Variants in RABGAP1L observed in about 807,000 individuals in gnomAD.
The protein encoded by RABGAP1L is RAB GTPase activating protein 1 like, also known as rab GTPase-activating protein 1-like.
Under a neutral mutation model 137.7 loss-of-function variants are expected in RABGAP1L, and 63 were observed. The observed-to-expected ratio is 0.46, with a 90% confidence interval of 0.37 to 0.56. The LOEUF (loss-of-function observed/expected upper bound fraction) is 0.56. RABGAP1L is among the 20% of genes least tolerant of loss of function. The pLI is 0.00. For synonymous variants in RABGAP1L, 431 were observed against 433.7 expected, an observed-to-expected ratio of 0.99 and a Z score of 0.08; for missense variants, 1,095 against 1,244.0, an observed-to-expected ratio of 0.88 and a Z score of 1.80.
intron 18 of RABGAP1L, among the ~76,000 whole-genome samples, chr1:174,764,529 C>A (rs1399822978): frequency 1.3e-5 from 2 of 152,202 alleles, no homozygotes; most frequent in Non-Finnish European, 2.9e-5. Flanking sequence ...AGTGCAAGGT[C>A]TCCTCCTTAT....
intron 17 of RABGAP1L, among the ~76,000 whole-genome samples, chr1:174,738,871 C>T (rs935352680): frequency 6.6e-6 from 1 of 152,212 alleles, no homozygotes; most frequent in African/African-American, 2.4e-5. Flanking sequence ...ATTTTTGCAG[C>T]AACCGCTATA....
At chr1:174,651,165 T>C (rs1477283363) in intron 14 of RABGAP1L, among the ~76,000 whole-genome samples, 1 of 152,246 alleles carries the variant, frequency 6.6e-6, no homozygotes, top group East Asian at 1.9e-4. Context: ...TTCTTAATCC[T>C]GAGTTCTAGT....
chr1:174,391,031 G>A (rs1390460919), intron 12 of RABGAP1L, among the ~76,000 whole-genome samples: 1 of 152,194 alleles, frequency 6.6e-6, no homozygotes, highest in Non-Finnish European at 1.5e-5. Context: ...TGGAGTTTGT[G>A]AAGGTGGATA....
At chr1:174,535,737 A>G (rs1000590888) in intron 13 of RABGAP1L, among the ~76,000 whole-genome samples, 12 of 152,204 alleles carry the variant, frequency 7.9e-5, no homozygotes, top group Non-Finnish European at 1.6e-4. Context: ...AAAGGAAAAT[A>G]TATTAATTGT....
At chr1:174,820,479 G>A (rs1040515287) in intron 19 of RABGAP1L, among the ~76,000 whole-genome samples, 9 of 152,164 alleles carry the variant, frequency 5.9e-5, no homozygotes, top group African/African-American at 2.2e-4. Flanking sequence ...CCACAGGGTT[G>A]AGGAGATGAG....
chr1:174,370,466 T>C (rs932796226), intron 11 of RABGAP1L, among the ~76,000 whole-genome samples: 29 of 144,384 alleles, frequency 2.0e-4, no homozygotes, highest in Non-Finnish European at 4.0e-4. Context: ...AAAATACCTT[T>C]TTTTTTTTTT....
chr1:174,584,921 T>C (rs1669007617), intron 13 of RABGAP1L, among the ~76,000 whole-genome samples: 1 of 152,086 alleles, frequency 6.6e-6, no homozygotes, highest in South Asian at 2.1e-4. Context: ...TCCGTTAAAA[T>C]CTAGTCCTGC....
At chr1:174,850,404 G>A (rs1648100521) in intron 19 of RABGAP1L, among the ~76,000 whole-genome samples, 1 of 152,142 alleles carries the variant, frequency 6.6e-6, no homozygotes, top group Non-Finnish European at 1.5e-5. Context: ...ATTATTCCCA[G>A]GGAACAGAAC....
At chr1:174,556,374 A>C (rs1420293486) in intron 13 of RABGAP1L, among the ~76,000 whole-genome samples, 2 of 152,214 alleles carry the variant, frequency 1.3e-5, no homozygotes, top group Non-Finnish European at 2.9e-5. Flanking sequence ...GAAAAAGTAG[A>C]AAATAATAAC....
At chr1:174,669,861 A>G (rs1677052053) in intron 14 of RABGAP1L, among the ~76,000 whole-genome samples, 1 of 152,102 alleles carries the variant, frequency 6.6e-6, no homozygotes, top group South Asian at 2.1e-4. Context: ...TGCCAATCCC[A>G]TGCTGTTTGG....
chr1:174,953,181 C>T (rs1443856630), intron 19 of RABGAP1L, among the ~76,000 whole-genome samples: 1 of 152,122 alleles, frequency 6.6e-6, no homozygotes. Flanking sequence ...GCAAATTCTT[C>T]CGATAATTAT....
intron 19 of RABGAP1L, among the ~76,000 whole-genome samples, chr1:174,908,945 G>A (rs1183725999): frequency 5.3e-5 from 8 of 150,530 alleles, no homozygotes; most frequent in East Asian, 2.0e-4. Context: ...AGGCCGAGGC[G>A]GGCAGATCAC....
intron 11 of RABGAP1L, among the ~76,000 whole-genome samples, chr1:174,323,783 T>C (rs1680219339): frequency 6.6e-6 from 1 of 152,152 alleles, no homozygotes; most frequent in African/African-American, 2.4e-5. Flanking sequence ...AACCAAAATA[T>C]TCTCTTCAAA....
chr1:174,651,796 A>C (rs1051911880), intron 14 of RABGAP1L, among the ~76,000 whole-genome samples: 22 of 152,238 alleles, frequency 1.4e-4, no homozygotes, highest in East Asian at 1.9e-4. Context: ...TCCAATTTGC[A>C]AGTCTGTGTC....
At chr1:174,568,052 C>G (rs193061941) in intron 13 of RABGAP1L, among the ~76,000 whole-genome samples, 1 of 152,082 alleles carries the variant, frequency 6.6e-6, no homozygotes, top group Non-Finnish European at 1.5e-5. Context: ...TCACATGATC[C>G]GGGAGGCTGT....
intron 3 of RABGAP1L, among the ~76,000 whole-genome samples, chr1:174,228,708 A>G (rs945140228): frequency 5.9e-5 from 9 of 152,168 alleles, no homozygotes; most frequent in African/African-American, 1.9e-4. Context: ...TGCATATTTT[A>G]GTATAATATT....
chr1:174,712,058 C>G (rs945029901), intron 17 of RABGAP1L, among the ~76,000 whole-genome samples: 1 of 152,200 alleles, frequency 6.6e-6, no homozygotes, highest in Non-Finnish European at 1.5e-5. Context: ...CACTTTGTGT[C>G]TAGCTCAAGG....
chr1:174,987,806 TTTTA>T (rs1413440830), intron 24 of RABGAP1L, among the ~76,000 whole-genome samples: 4 of 152,104 alleles, frequency 2.6e-5, no homozygotes, highest in Non-Finnish European at 4.4e-5. Flanking sequence ...GGTAGAGTTA[TTTTA>T]TTTTATTTTT....
At chr1:174,686,068 A>T (rs926603209) in intron 15 of RABGAP1L, among the ~76,000 whole-genome samples, 1 of 152,196 alleles carries the variant, frequency 6.6e-6, no homozygotes, top group Non-Finnish European at 1.5e-5. Flanking sequence ...TGAAGGGCTG[A>T]TGCGGAAGTA....
Sources: gnomAD v4.1 joint callset for allele counts (sites outside exome capture counted in the v4.1 genomes callset) on GRCh38, gnomAD v4.1.1 for gene constraint, MANE v1.5 for transcripts, NCBI Gene and HGNC (gene_info 2026-07-23, HGNC 2026-07-21) for gene names.